Variants in SPRED2 observed in about 807,000 individuals in gnomAD.
The protein encoded by SPRED2 is sprouty-related, EVH1 domain-containing protein 2.
SPRED2 carries 47 observed loss-of-function variants against 43.0 expected under a neutral mutation model. The observed-to-expected ratio is 1.09, with a 90% CI of 0.87 to 1.40. SPRED2 has a LOEUF of 1.40. Among genes scored for constraint, SPRED2 ranks in the 40% most tolerant of loss-of-function variants. The pLI is 0.00. For missense variants in SPRED2, 561 were observed against 586.4 expected (o/e 0.96, Z 0.45); for synonymous variants, 225 against 225.7 (o/e 1.00, Z 0.03).
intron 1 of SPRED2, among the ~76,000 whole-genome samples, chr2:65,360,731 A>T (rs1317078979): frequency 6.6e-6 from 1 of 152,154 alleles, no homozygotes; most frequent in Non-Finnish European, 1.5e-5. Flanking sequence ...GATGATGAAA[A>T]CGTTCTAGAG....
intron 4 of SPRED2, among the ~76,000 whole-genome samples, chr2:65,322,256 CTCTCTCTCTCTCTCTATATATA>C (rs1447396455): frequency 1.3e-5 from 1 of 76,882 alleles, no homozygotes; most frequent in African/African-American, 6.5e-5. Context: ...CTCTCTCTCT[CTCTCTCTCTCTCTCTATATATA>C]TATATATATA....
At chr2:65,424,427 T>C (rs1676510720) in intron 1 of SPRED2, among the ~76,000 whole-genome samples, 1 of 152,186 alleles carries the variant, frequency 6.6e-6, no homozygotes, top group African/African-American at 2.4e-5. Flanking sequence ...GAAAGCCTAC[T>C]ATGTGCTCAG....
chr2:65,404,005 G>A (rs1271058591), intron 1 of SPRED2, among the ~76,000 whole-genome samples: 1 of 152,166 alleles, frequency 6.6e-6, no homozygotes, highest in Non-Finnish European at 1.5e-5. Context: ...AGGAGTTAGA[G>A]ACCAGCCTGG....
In SPRED2 at chr2:65,311,517, G is replaced by T. The variant is rs1009141816; in HGVS notation, c.*1984C>A. 2 of 985,730 alleles carry T rather than the reference G, an allele frequency of 2.0e-6. No homozygotes were observed. The highest frequency in any genetic ancestry group is 1.2e-4 in the Admixed American group (2 of 16,262). 61.1% of individuals were successfully genotyped at this position (985,730 alleles called of 1,614,324 possible). ...CTAAGGAAACGAACATTAGTGTTGT[G>T]CTTTGTAGAGAAGAGACCCTAGAGA... On this transcript the variant is annotated 3_prime_UTR_variant, in exon 6 of 6. Coordinates refer to ENST00000356388, the MANE Select transcript of SPRED2 (RefSeq NM_181784.3).
chr2:65,405,016 A>G (rs1292992694), intron 1 of SPRED2, among the ~76,000 whole-genome samples: 1 of 152,216 alleles, frequency 6.6e-6, no homozygotes, highest in Non-Finnish European at 1.5e-5. Flanking sequence ...CACACGTTAT[A>G]AACACGTTGT....
At chr2:65,402,730 T>A (rs1164476371) in intron 1 of SPRED2, among the ~76,000 whole-genome samples, 2 of 152,242 alleles carry the variant, frequency 1.3e-5, no homozygotes. Context: ...CTCACACCTA[T>A]GTAATTGCCT....
chr2:65,352,721 T>C (rs1205161406), intron 1 of SPRED2, among the ~76,000 whole-genome samples: 2 of 152,218 alleles, frequency 1.3e-5, no homozygotes, highest in African/African-American at 2.4e-5. Context: ...CCTCCCAGAT[T>C]TGAGCAATTC....
chr2:65,354,736 G>A (rs563914120), intron 1 of SPRED2, among the ~76,000 whole-genome samples: 52 of 151,972 alleles, frequency 3.4e-4, no homozygotes, highest in African/African-American at 1.2e-3. Flanking sequence ...GACAGACCAC[G>A]TGTAATTGGG....
chr2:65,412,571 A>G (rs907796155), intron 1 of SPRED2, among the ~76,000 whole-genome samples: 1 of 152,184 alleles, frequency 6.6e-6, no homozygotes, highest in Non-Finnish European at 1.5e-5. Flanking sequence ...ATGACTGTTT[A>G]AGAGTGGATT....
chr2:65,307,884 A>C (rs1672972872), downstream of SPRED2, among the ~76,000 whole-genome samples: 1 of 152,126 alleles, frequency 6.6e-6, no homozygotes, highest in South Asian at 2.1e-4. Context: ...CGGAAAGACC[A>C]ACGGGCTTCC....
At chr2:65,366,503 T>A in intron 1 of SPRED2, 1 of 1,419,318 alleles carries the variant, frequency 7.0e-7, no homozygotes. Context: ...TTTTCTCCTT[T>A]AAAAAAATGC....
At chr2:65,430,088 C>G (rs1676643020) in intron 1 of SPRED2, among the ~76,000 whole-genome samples, 1 of 152,204 alleles carries the variant, frequency 6.6e-6, no homozygotes, top group African/African-American at 2.4e-5. Context: ...AGCCTCACTG[C>G]TACTACTGCT....
At chr2:65,381,249 T>C (rs1289251023) in intron 1 of SPRED2, among the ~76,000 whole-genome samples, 2 of 152,322 alleles carry the variant, frequency 1.3e-5, no homozygotes, top group South Asian at 2.1e-4. Context: ...TCCCTTGGTG[T>C]TGTGTCCCAG....
At chr2:65,362,550 G>A (rs377648343) in intron 1 of SPRED2, among the ~76,000 whole-genome samples, 14 of 152,154 alleles carry the variant, frequency 9.2e-5, no homozygotes, top group African/African-American at 3.1e-4. Flanking sequence ...GATTACAGGC[G>A]TAAGCCACTG....
chr2:65,351,670 T>G (rs1169942347), intron 1 of SPRED2, among the ~76,000 whole-genome samples: 1 of 152,242 alleles, frequency 6.6e-6, no homozygotes, highest in Non-Finnish European at 1.5e-5. Flanking sequence ...TTCATCGAAT[T>G]ATATGTTTAA....
chr2:65,320,350 G>A (rs114323500), intron 4 of SPRED2, among the ~76,000 whole-genome samples: 53 of 152,308 alleles, frequency 3.5e-4, no homozygotes, highest in African/African-American at 1.2e-3. Flanking sequence ...GGTTAACAAT[G>A]TGTAGAAAGT....
chr2:65,322,270 C>CTCTCTATATA (rs1468134315), intron 4 of SPRED2, among the ~76,000 whole-genome samples: 2 of 36,472 alleles, frequency 5.5e-5, no homozygotes, highest in African/African-American at 1.5e-4. Flanking sequence ...CTCTCTCTCT[C>CTCTCTATATA]TATATATATA....
chr2:65,423,545 A>G (rs912557551), intron 1 of SPRED2, among the ~76,000 whole-genome samples: 3 of 152,226 alleles, frequency 2.0e-5, no homozygotes, highest in Non-Finnish European at 2.9e-5. Context: ...TCCTCCCACA[A>G]GCTCCCTGAG....
intron 1 of SPRED2, among the ~76,000 whole-genome samples, chr2:65,389,065 G>A (rs1450600397): frequency 6.6e-6 from 1 of 152,134 alleles, no homozygotes; most frequent in Non-Finnish European, 1.5e-5. Context: ...CCTATGCTCT[G>A]GCCTCTGAGA....
Sources: allele counts gnomAD v4.1 joint callset (sites outside exome capture counted in the v4.1 genomes callset), GRCh38; gene constraint gnomAD v4.1.1; transcripts MANE v1.5; gene names NCBI Gene and HGNC (gene_info 2026-07-23, HGNC 2026-07-21).